Variants in GABRB1 observed in about 807,000 individuals in gnomAD.
The protein encoded by GABRB1 is gamma-aminobutyric acid receptor subunit beta-1.
In GABRB1, 17 loss-of-function variants were observed where a neutral mutation model predicts 51.6. That is an observed-to-expected ratio of 0.33 (90% CI 0.23 to 0.49). The LOEUF is 0.49. Among genes scored for constraint, GABRB1 ranks in the 20% least tolerant of loss-of-function variants. The pLI, the probability that GABRB1 is intolerant of heterozygous loss-of-function variation, is 0.99. For synonymous variants in GABRB1, 247 were observed against 218.9 expected (o/e 1.13, Z -1.14); for missense variants, 410 against 600.6 (o/e 0.68, Z 3.32).
chr4:47,026,653 G>T (rs879389133), upstream of GABRB1, among the ~76,000 whole-genome samples: 1 of 151,920 alleles, frequency 6.6e-6, no homozygotes, highest in African/African-American at 2.4e-5. Context: ...GATTTGCAGA[G>T]TATCCTTCAT....
chr4:47,261,197 C>T (rs1722423456), intron 4 of GABRB1, among the ~76,000 whole-genome samples: 1 of 152,092 alleles, frequency 6.6e-6, no homozygotes, highest in South Asian at 2.1e-4. Context: ...AAGTTCTGGC[C>T]AGGGCAATTA....
intron 4 of GABRB1, among the ~76,000 whole-genome samples, chr4:47,173,572 C>A (rs2109758819): frequency 6.6e-6 from 1 of 152,240 alleles, no homozygotes; most frequent in South Asian, 2.1e-4. Flanking sequence ...GACATGATAT[C>A]TACAAGTCAC....
chr4:47,352,803 A>G (rs1330011270), intron 5 of GABRB1, among the ~76,000 whole-genome samples: 4 of 152,150 alleles, frequency 2.6e-5, no homozygotes, highest in Admixed American at 2.6e-4. Flanking sequence ...TTATTTCTTC[A>G]TAGTAGTGAG....
chr4:47,137,227 C>T (rs1286450128), intron 3 of GABRB1, among the ~76,000 whole-genome samples: 2 of 151,914 alleles, frequency 1.3e-5, no homozygotes, highest in Non-Finnish European at 2.9e-5. Flanking sequence ...AACCAAGGAT[C>T]AGAGCTGCAG....
intron 3 of GABRB1, among the ~76,000 whole-genome samples, chr4:47,098,543 T>G (rs1577906815): frequency 6.6e-6 from 1 of 152,194 alleles, no homozygotes; most frequent in Non-Finnish European, 1.5e-5. Flanking sequence ...GTATTGAAAC[T>G]GATTTATAAT....
intron 3 of GABRB1, among the ~76,000 whole-genome samples, chr4:47,085,372 A>T (rs1179713031): frequency 7.2e-5 from 11 of 152,180 alleles, no homozygotes; most frequent in African/African-American, 1.9e-4. Context: ...AATTTTCAAG[A>T]CATTTTATTT....
At chr4:47,399,358 T>G (rs1256440333) in intron 5 of GABRB1, among the ~76,000 whole-genome samples, 1 of 152,232 alleles carries the variant, frequency 6.6e-6, no homozygotes, top group East Asian at 1.9e-4. Flanking sequence ...GAAATTTTCA[T>G]TCTTAGCCTA....
chr4:47,258,693 A>G lies in GABRB1; in HGVS notation c.462-61434A>G, dbSNP rs1258136827. Among the ~76,000 whole-genome samples, 5 of 152,344 alleles carry G rather than the reference A, an allele frequency of 3.3e-5. No homozygotes were observed. In the East Asian group the frequency reaches 5.8e-4, roughly 18 times the overall value. On this transcript the variant is annotated intron_variant, in intron 4 of 8. Coordinates refer to ENST00000295454, the MANE Select transcript of GABRB1 (RefSeq NM_000812.4). ...TTCCTACCGAATTACAATATTCAGT[A>G]TATTTTGTTTATGGGCACAAAATAA...
At chr4:47,269,734 C>A (rs1475715800) in intron 4 of GABRB1, among the ~76,000 whole-genome samples, 2 of 152,050 alleles carry the variant, frequency 1.3e-5, no homozygotes, top group African/African-American at 4.8e-5. Context: ...GGGGATGATA[C>A]ACTATGTACA....
intron 3 of GABRB1, among the ~76,000 whole-genome samples, chr4:47,099,841 A>AG (rs1340540557): frequency 6.6e-6 from 1 of 151,500 alleles, no homozygotes; most frequent in Non-Finnish European, 1.5e-5. Context: ...CTTAAAAAAA[A>AG]ACAACCAAAC....
At chr4:46,996,702 C>T (rs1308245767) in intron 1 of GABRB1, among the ~76,000 whole-genome samples, 2 of 152,156 alleles carry the variant, frequency 1.3e-5, no homozygotes, top group African/African-American at 4.8e-5. Context: ...TAAGCTTCCC[C>T]ATTGCCAGTT....
At chr4:47,145,523 G>A (rs910221105) in intron 3 of GABRB1, among the ~76,000 whole-genome samples, 4 of 151,922 alleles carry the variant, frequency 2.6e-5, no homozygotes, top group African/African-American at 2.4e-5. Context: ...TAAACTTATC[G>A]CCCCAGAAAG....
At chr4:47,164,267 T>C (rs1718079967) in intron 4 of GABRB1, among the ~76,000 whole-genome samples, 1 of 152,088 alleles carries the variant, frequency 6.6e-6, no homozygotes, top group Non-Finnish European at 1.5e-5. Context: ...ATTGCTTCTG[T>C]GATCCTATGT....
rs552308556 is a variant in GABRB1 at position 47,216,795 on chromosome 4, G to T, written c.461+55326G>T. Among the ~76,000 whole-genome samples, 191 of 151,978 alleles carry T rather than the reference G, an allele frequency of 1.3e-3. 1 individual carries two copies. The highest frequency in any genetic ancestry group is 4.5e-3 in the African/African-American group (186 of 41,528). ...AGTGGTACAGCCATTTTGATAAAAAGCTAAGTTATAGCTAATAAACTTGAA... is the reference window on the plus strand; with the variant it reads ...AGTGGTACAGCCATTTTGATAAAAATCTAAGTTATAGCTAATAAACTTGAA... On this transcript the variant is annotated intron_variant, in intron 4 of 8. Transcript: ENST00000295454.
intron 4 of GABRB1, among the ~76,000 whole-genome samples, chr4:47,248,639 CT>C (rs577260122): frequency 7.3e-5 from 11 of 151,032 alleles, no homozygotes; most frequent in Non-Finnish European, 1.0e-4. Flanking sequence ...TGGTCCTAGA[CT>C]TTTTTTTTGT....
intron 4 of GABRB1, among the ~76,000 whole-genome samples, chr4:47,161,670 T>A (rs1407484936): frequency 6.6e-6 from 1 of 152,078 alleles, no homozygotes; most frequent in Admixed American, 6.6e-5. Flanking sequence ...CAAAATTAAC[T>A]ACCAGTTTTA....
At chr4:47,187,649 G>T (rs1359701714) in intron 4 of GABRB1, among the ~76,000 whole-genome samples, 1 of 151,852 alleles carries the variant, frequency 6.6e-6, no homozygotes, top group South Asian at 2.1e-4. Context: ...ATATAGAGAA[G>T]TTAAACCGTG....
rs35041325 is a variant in GABRB1 at position 47,251,303 on chromosome 4, A to G, written c.462-68824A>G. On this transcript the variant is annotated intron_variant, in intron 4 of 8. Coordinates refer to ENST00000295454, the MANE Select transcript of GABRB1 (RefSeq NM_000812.4). ...CAGAGTCTTATGATGTGAACCGTCT[A>G]TGGGTCTTTCAGTCATAGATACCAG... 6.1e-3 allele frequency among the ~76,000 whole-genome samples: 927 copies of G among 152,282 alleles called. 3 individuals carry two copies. Among genetic ancestry groups the G allele is most frequent in the Non-Finnish European group, 0.01 (712 of 68,016 alleles).
chr4:47,209,770 T>A (rs1000247098), intron 4 of GABRB1, among the ~76,000 whole-genome samples: 4 of 151,566 alleles, frequency 2.6e-5, no homozygotes, highest in African/African-American at 7.3e-5. Context: ...ATAAATAAAT[T>A]ATTTACTGAT....
Sources: gnomAD v4.1 joint callset for allele counts (sites outside exome capture counted in the v4.1 genomes callset) on GRCh38, gnomAD v4.1.1 for gene constraint, MANE v1.5 for transcripts, NCBI Gene and HGNC (gene_info 2026-07-23, HGNC 2026-07-21) for gene names.